The following PPP2R3B variants were observed in gnomAD, a reference collection of about 807,000 sequenced individuals.
PPP2R3B encodes the protein serine/threonine-protein phosphatase 2A regulatory subunit B'' subunit beta.
Under a neutral mutation model 72.9 loss-of-function variants are expected in PPP2R3B, and 68 were observed. The observed-to-expected ratio is 0.93, with a 90% CI of 0.77 to 1.14. The LOEUF (loss-of-function observed/expected upper bound fraction) is 1.14. PPP2R3B is among the 50% of genes most tolerant of loss of function. The pLI is 0.00. For missense variants in PPP2R3B, 1,018 were observed against 842.0 expected (o/e 1.21, Z -2.59); for synonymous variants, 466 against 375.8 (o/e 1.24, Z -2.78).
intron 2 of PPP2R3B, among the ~76,000 whole-genome samples, chrX:359,393 A>ATGGC (rs2071498834): frequency 6.6e-6 from 1 of 152,244 alleles, no homozygotes; most frequent in Non-Finnish European, 1.5e-5. Context: ...GGACAAGGAG[A>ATGGC]TGGCACTGCT....
intron 1 of PPP2R3B, among the ~76,000 whole-genome samples, chrX:372,264 T>C (rs1250512855): frequency 6.6e-6 from 1 of 152,134 alleles, no homozygotes; most frequent in Non-Finnish European, 1.5e-5. Flanking sequence ...AAGACAGAGG[T>C]CAAAAACTCC....
intron 4 of PPP2R3B, 111 bp downstream of exon 4, chrX:347,123 C>T (rs1467328836): frequency 1.8e-5 from 22 of 1,212,784 alleles, no homozygotes; most frequent in African/African-American, 1.7e-4. Context: ...CGGACCCTCC[C>T]GTGAGGGATG....
At position 386,798 on chromosome X, in the gene PPP2R3B, G is replaced by A. The variant is rs1234233305; in HGVS notation, c.-107C>T. ...CGGTGATGCGAGCACGGCCCGCTGAGGGGGCGCGGCGCAGGGAACAGGGCC... is the reference window on the plus strand; with the variant it reads ...CGGTGATGCGAGCACGGCCCGCTGAAGGGGCGCGGCGCAGGGAACAGGGCC... On this transcript the variant is annotated 5_prime_UTR_variant, in exon 1 of 13. Transcript: ENST00000390665. 11 of 639,062 alleles carry A rather than the reference G, an allele frequency of 1.7e-5. No individual in the cohort carries two copies. Among genetic ancestry groups the A allele is most frequent in the African/African-American group, 1.9e-5 (1 of 51,382 alleles). 39.6% of individuals were successfully genotyped at this position (639,062 alleles called of 1,614,324 possible). A position where few individuals can be genotyped will look rare whatever the true frequency, so the allele number is the denominator to read the frequency against.
intron 2 of PPP2R3B, among the ~76,000 whole-genome samples, chrX:360,258 G>C (rs1293561862): frequency 6.6e-6 from 1 of 152,216 alleles, no homozygotes; most frequent in Non-Finnish European, 1.5e-5. Context: ...ACCCGGCCAG[G>C]TGCAGTGGCT....
intron 2 of PPP2R3B, among the ~76,000 whole-genome samples, chrX:356,048 A>G (rs1473343397): frequency 6.6e-6 from 1 of 152,196 alleles, no homozygotes; most frequent in African/African-American, 2.4e-5. Context: ...AGAAACACGT[A>G]AGGTGGTCAA....
At position 386,489 on chromosome X, in the gene PPP2R3B, G is replaced by A. The variant is rs2072253991; in HGVS notation, c.203C>T (p.Pro68Leu). 1.6e-6 allele frequency: 2 copies of A among 1,288,038 alleles called. No homozygotes were observed. Among genetic ancestry groups the A allele is most frequent in the Admixed American group, 4.1e-5 (1 of 24,166 alleles). 79.8% of individuals were successfully genotyped at this position (1,288,038 alleles called of 1,614,324 possible). A position where few individuals can be genotyped will look rare whatever the true frequency, so the allele number is the denominator to read the frequency against. The change falls in exon 1 of 13, where the codon CCC (proline) becomes CTC (leucine). Residue 68 changes from proline (P) to leucine (L), a missense_variant. Transcript: ENST00000390665. ...GGTTCCCGGGGGTTCGAGCCCGCTG[G>A]GCCGGGGGGCGGCGAGCGGGGCTGT... ...WPTAPLAAPR[P>L]SGLEPPGTPG...
intron 1 of PPP2R3B, 168 bp downstream of exon 1, chrX:386,200 T>C: frequency 5.3e-6 from 1 of 187,740 alleles, no homozygotes; most frequent in Non-Finnish European, 9.9e-6. Context: ...TACGTGGGAC[T>C]TTCTTGTCTG....
chrX:355,728 GCTGT>G (rs2071421814), intron 2 of PPP2R3B, among the ~76,000 whole-genome samples: 1 of 152,158 alleles, frequency 6.6e-6, no homozygotes, highest in Non-Finnish European at 1.5e-5. Flanking sequence ...AAAAGTGCCT[GCTGT>G]CTGATTCTGT....
intron 2 of PPP2R3B, among the ~76,000 whole-genome samples, chrX:353,795 A>G (rs1490184705): frequency 4.7e-5 from 7 of 150,216 alleles, no homozygotes; most frequent in African/African-American, 1.2e-4. Flanking sequence ...GGCTCACCCA[A>G]AGACTGGGGC....
Position 345,674 on chromosome X carries a change from T to C in PPP2R3B, c.880-2A>G. On this transcript the variant is annotated splice_acceptor_variant, in intron 6 of 12. Transcript: ENST00000390665. LOFTEE classifies it high-confidence loss of function. ...CTCCTCCTCCAGCAGCGCCACATTCTGCCAAAGGACCCAGGCGGCCTGAGC... is the reference window on the plus strand; with the variant it reads ...CTCCTCCTCCAGCAGCGCCACATTCCGCCAAAGGACCCAGGCGGCCTGAGC... 1 of 1,609,620 alleles carries C rather than the reference T, an allele frequency of 6.2e-7. No homozygotes were observed. Among genetic ancestry groups the C allele is most frequent in the Non-Finnish European group, 8.5e-7 (1 of 1,177,948 alleles).
chrX:374,619 G>A (rs28634656), intron 1 of PPP2R3B, among the ~76,000 whole-genome samples: 32,956 of 152,004 alleles, frequency 0.22, 4,130 homozygotes, highest in Non-Finnish European at 0.29. Flanking sequence ...GATACCTTCG[G>A]GCTGAGGGTC....
intron 1 of PPP2R3B, among the ~76,000 whole-genome samples, chrX:376,148 G>A (rs375078373): frequency 6.6e-5 from 10 of 151,246 alleles, no homozygotes; most frequent in Admixed American, 1.3e-4. Flanking sequence ...CCGAGATTGC[G>A]CCACTGCACT....
Position 386,752 on chromosome X carries a change from CG to C in PPP2R3B, c.-62del. 9.1e-7 allele frequency: 1 copy of C among 1,098,838 alleles called. No individual in the cohort carries two copies. Among genetic ancestry groups the C allele is most frequent in the Non-Finnish European group, 1.1e-6 (1 of 882,618 alleles). The allele number at this position is 1,098,838 out of a possible 1,614,324, so 68.1% of individuals were successfully genotyped here. On this transcript the variant is annotated 5_prime_UTR_variant, in exon 1 of 13. Coordinates refer to ENST00000390665, the MANE Select transcript of PPP2R3B (RefSeq NM_013239.5). The stretch of plus-strand genomic sequence containing the variant: ...GCGCCCCGCCCCGCCCCGGGGGCTT[CG>C]GTCCGCCCCGGACCGACCTCGGTGA...
chrX:340,832 G>A lies in PPP2R3B; in HGVS notation c.1284C>T (p.Ala428=), dbSNP rs148873498. ...AGTCCTGGAAGGGCAGGGCCTCGAT[G>A]GCCATGCTGTCCAGCCTTCGGCACT... The part of the protein sequence containing the change: ...EEQCRRLDSM[A]IEALPFQDCL... The change falls in exon 10 of 13, where the codon GCC becomes GCT. Residue 428 remains alanine, a synonymous_variant. Transcript: ENST00000390665. 1.3e-4 allele frequency: 203 copies of A among 1,611,328 alleles called. 1 individual carries two copies. The highest frequency in any genetic ancestry group is 3.1e-4 in the South Asian group (28 of 91,034).
Position 361,568 on chromosome X carries a change from G to C in PPP2R3B, c.347C>G (p.Pro116Arg). 6.2e-7 allele frequency: 1 copy of C among 1,613,984 alleles called. No homozygotes were observed. The highest frequency in any genetic ancestry group is 1.1e-5 in the South Asian group (1 of 91,084). Residue 116 changes from proline to arginine, a missense_variant, in exon 2 of 13, where the codon CCT becomes CGT. By Grantham distance (103) the Pro-to-Arg change is moderately radical. Coordinates refer to ENST00000390665, the MANE Select transcript of PPP2R3B (RefSeq NM_013239.5). ...GCTTTGGCTCGTGGCCGGGGGCAGA[G>C]GCTCTTCTTTCCGTGTCTGAACCTG... ...TRVVQTRKEE[P>R]LPPATSQSIP...
chrX:346,078 A>AGGGGAGG (rs1556132922), intron 6 of PPP2R3B, 96 bp downstream of exon 6: 12 of 410,020 alleles, frequency 2.9e-5, no homozygotes, highest in Admixed American at 1.1e-4. Flanking sequence ...AGGGGGTGGG[A>AGGGGAGG]GGGGAGGAGG....
At chrX:364,568 A>G (rs2071651734) in intron 1 of PPP2R3B, among the ~76,000 whole-genome samples, 1 of 151,806 alleles carries the variant, frequency 6.6e-6, no homozygotes, top group African/African-American at 2.4e-5. Flanking sequence ...TATAAAAAAA[A>G]TTAGCCGGGT....
chrX:347,121 C>A (rs1438315558), intron 4 of PPP2R3B, 113 bp downstream of exon 4: 2 of 1,218,574 alleles, frequency 1.6e-6, no homozygotes, highest in Non-Finnish European at 2.4e-6. Context: ...CGCGGACCCT[C>A]CCGTGAGGGA....
chrX:347,104 G>A, intron 4 of PPP2R3B, 130 bp downstream of exon 4: 1 of 1,141,430 alleles, frequency 8.8e-7, no homozygotes, highest in Non-Finnish European at 1.3e-6. Flanking sequence ...GAGGTGTGCG[G>A]TGTAGACGCG....
Sources: allele counts gnomAD v4.1 joint callset (sites outside exome capture counted in the v4.1 genomes callset), GRCh38; gene constraint gnomAD v4.1.1; transcripts MANE v1.5; gene names NCBI Gene and HGNC (gene_info 2026-07-23, HGNC 2026-07-21).